SLC22A16: variants seen among roughly 807,000 people sequenced by gnomAD.
SLC22A16 encodes the protein WUGSC:RG331P03.1.
Under a neutral mutation model 52.9 loss-of-function variants are expected in SLC22A16, and 53 were observed. The observed-to-expected ratio is 1.00, with a 90% CI of 0.80 to 1.26. The LOEUF (loss-of-function observed/expected upper bound fraction) is 1.26. Ranked by LOEUF, SLC22A16 falls within the 50% of genes most tolerant of loss-of-function variation. The probability of loss-of-function intolerance (pLI) is 0.00; values close to 1 mark genes in which losing one functional copy is unlikely to be tolerated. For synonymous variants in SLC22A16, 291 were observed against 268.8 expected, an observed-to-expected ratio of 1.08 and a Z score of -0.81; for missense variants, 726 against 704.0, an observed-to-expected ratio of 1.03 and a Z score of -0.35.
intron 7 of SLC22A16, among the ~76,000 whole-genome samples, chr6:110,428,613 T>C (rs1472090660): frequency 2.0e-5 from 3 of 152,220 alleles, no homozygotes; most frequent in Admixed American, 6.5e-5. Flanking sequence ...TTGTAAAGCA[T>C]GTTCAAAAAG....
intron 7 of SLC22A16, among the ~76,000 whole-genome samples, chr6:110,427,688 C>T (rs1056746114): frequency 8.5e-5 from 13 of 152,152 alleles, no homozygotes; most frequent in South Asian, 4.1e-4. Context: ...TTAGTAGAGA[C>T]GGGGTGTCGC....
chr6:110,448,801 A>C (rs1775269769), intron 2 of SLC22A16, among the ~76,000 whole-genome samples: 2 of 152,234 alleles, frequency 1.3e-5, no homozygotes, highest in Non-Finnish European at 2.9e-5. Flanking sequence ...CATGACCTGC[A>C]TCTGCATTCA....
At chr6:110,454,748 AT>A (rs1281406866) in intron 2 of SLC22A16, among the ~76,000 whole-genome samples, 1 of 73,022 alleles carries the variant, frequency 1.4e-5, no homozygotes. Flanking sequence ...TAATATATAT[AT>A]TATTATATAC....
At chr6:110,454,800 AAT>A (rs1329862925) in intron 2 of SLC22A16, among the ~76,000 whole-genome samples, 14 of 53,920 alleles carry the variant, frequency 2.6e-4, no homozygotes, top group East Asian at 5.6e-4. Flanking sequence ...AAATATATAT[AAT>A]ATATATATTA....
At chr6:110,458,557 T>C (rs188974204) in intron 1 of SLC22A16, among the ~76,000 whole-genome samples, 15 of 152,206 alleles carry the variant, frequency 9.9e-5, no homozygotes, top group African/African-American at 3.6e-4. Flanking sequence ...TCATACTGTG[T>C]GGTTAATTTT....
intron 1 of SLC22A16, among the ~76,000 whole-genome samples, chr6:110,472,220 A>G (rs1362359614): frequency 6.6e-6 from 1 of 152,086 alleles, no homozygotes; most frequent in East Asian, 1.9e-4. Context: ...ATGTGGTCCC[A>G]TTCACTTCTC....
rs1283620172 is a variant in SLC22A16 at position 110,438,865 on chromosome 6, G to A, written c.1184-18C>T. On this transcript the variant is annotated intron_variant, in intron 4 of 7. Transcript: ENST00000368919. ...CACTACACCTGTCATTGAGCAAGCAGCCCTCTATAAGTCTAGGTACCCGAC... is the reference window on the plus strand; with the variant it reads ...CACTACACCTGTCATTGAGCAAGCAACCCTCTATAAGTCTAGGTACCCGAC... 1.4e-5 allele frequency: 22 copies of A among 1,613,072 alleles called. No homozygotes were observed. The highest frequency in any genetic ancestry group is 1.8e-5 in the Non-Finnish European group (21 of 1,179,504).
intron 6 of SLC22A16, among the ~76,000 whole-genome samples, chr6:110,433,220 CT>C (rs944306147): frequency 2.0e-5 from 3 of 152,216 alleles, no homozygotes; most frequent in Non-Finnish European, 2.9e-5. Context: ...TTCTATACCC[CT>C]GGTCACATAT....
intron 1 of SLC22A16, among the ~76,000 whole-genome samples, chr6:110,463,749 G>A (rs62421695): frequency 0.049 from 7,493 of 151,856 alleles, 223 homozygotes; most frequent in South Asian, 0.085. Flanking sequence ...AGATCATTGA[G>A]CTTGATCTGT....
At position 110,442,762 on chromosome 6, in the gene SLC22A16, T is replaced by C. The variant is rs780647271; in HGVS notation, c.665A>G (p.Tyr222Cys). 3 of 1,612,312 alleles carry C rather than the reference T, an allele frequency of 1.9e-6. No individual in the cohort carries two copies. The South Asian group carries it at 3.3e-5, about 18-fold the overall frequency. Residue 222 changes from tyrosine (Y) to cysteine (C), a missense_variant, in exon 4 of 8, where the codon TAT becomes TGT. Transcript: ENST00000368919. Reference protein sequence around the residue: ...RFFLAMVASGYLVVGFVYVME... With the variant: ...RFFLAMVASGCLVVGFVYVME... ...CACATAGACAAACCCCACCACAAGA[T>C]AGCCACTTGCAACCTGAAAAACAAA... is the stretch of plus-strand genomic sequence containing the variant.
chr6:110,457,067 A>G, intron 1 of SLC22A16, 50 bp from the exon 2 acceptor site: 1 of 1,494,014 alleles, frequency 6.7e-7, no homozygotes, highest in South Asian at 1.5e-5. Flanking sequence ...AGGCTGAAAA[A>G]GAACATAAGC....
intron 7 of SLC22A16, among the ~76,000 whole-genome samples, chr6:110,430,671 A>C (rs2114888684): frequency 6.6e-6 from 1 of 152,354 alleles, no homozygotes; most frequent in Middle Eastern, 3.4e-3. Context: ...TTTGAAAGCC[A>C]GGCAAATGGC....
chr6:110,447,235 C>G (rs747189547), intron 2 of SLC22A16, among the ~76,000 whole-genome samples: 1 of 152,086 alleles, frequency 6.6e-6, no homozygotes, highest in Non-Finnish European at 1.5e-5. Context: ...GAGTCATCCC[C>G]GCAGGACCCT....
At chr6:110,462,548 A>C (rs1422738328) in intron 1 of SLC22A16, among the ~76,000 whole-genome samples, 1 of 152,210 alleles carries the variant, frequency 6.6e-6, no homozygotes, top group Admixed American at 6.5e-5. Flanking sequence ...TTGAAGACCA[A>C]TCTTTCTATT....
chr6:110,466,458 T>C (rs528947521), intron 1 of SLC22A16, among the ~76,000 whole-genome samples: 1 of 150,796 alleles, frequency 6.6e-6, no homozygotes, highest in South Asian at 2.1e-4. Context: ...CATTAAAAAG[T>C]AGGCAAAGGA....
chr6:110,463,595 T>C (rs1775967648), intron 1 of SLC22A16, among the ~76,000 whole-genome samples: 1 of 143,316 alleles, frequency 7.0e-6, no homozygotes, highest in South Asian at 2.3e-4. Flanking sequence ...GATTTAACTA[T>C]CCTAAATACA....
intron 7 of SLC22A16, among the ~76,000 whole-genome samples, chr6:110,429,196 G>T (rs1024718450): frequency 6.6e-6 from 1 of 152,052 alleles, no homozygotes; most frequent in African/African-American, 2.4e-5. Context: ...TTCTAGAAAA[G>T]TTCATGACCT....
At chr6:110,457,189 T>C (rs972574825) in intron 1 of SLC22A16, among the ~76,000 whole-genome samples, 172 bp from the exon 2 acceptor site, 1 of 152,238 alleles carries the variant, frequency 6.6e-6, no homozygotes, top group African/African-American at 2.4e-5. Flanking sequence ...CATATATTAC[T>C]TAGCTCCATC....
At chr6:110,434,651 G>T (rs943301634) in intron 6 of SLC22A16, among the ~76,000 whole-genome samples, 1 of 152,048 alleles carries the variant, frequency 6.6e-6, no homozygotes, top group African/African-American at 2.4e-5. Context: ...GGCGGGCAGG[G>T]TGGCAACTCA....
Sources: gnomAD v4.1 joint callset for allele counts (sites outside exome capture counted in the v4.1 genomes callset) on GRCh38, gnomAD v4.1.1 for gene constraint, MANE v1.5 for transcripts, NCBI Gene and HGNC (gene_info 2026-07-23, HGNC 2026-07-21) for gene names.